Variants in EMC3 observed in about 807,000 individuals in gnomAD.
EMC3 encodes 30 kDa protein.
A neutral mutation model predicts 36.6 loss-of-function variants in EMC3; 13 were observed. The ratio of observed to expected loss-of-function variants is 0.35; its 90% CI spans 0.23 to 0.56. The LOEUF (loss-of-function observed/expected upper bound fraction) is 0.56. Among genes scored for constraint, EMC3 ranks in the 20% least tolerant of loss-of-function variants. The pLI is 0.84. For synonymous variants in EMC3, 120 were observed against 111.9 expected, an observed-to-expected ratio of 1.07 and a Z score of -0.46; for missense variants, 220 against 324.5, an observed-to-expected ratio of 0.68 and a Z score of 2.47.
At chr3:9,981,078 G>A (rs776347339) in intron 1 of EMC3, among the ~76,000 whole-genome samples, 1 of 152,128 alleles carries the variant, frequency 6.6e-6, no homozygotes, top group Non-Finnish European at 1.5e-5. Flanking sequence ...AGTGGCGTGT[G>A]CCTGTAGTCC....
At chr3:9,998,553 T>G (rs1390938546) in intron 1 of EMC3, among the ~76,000 whole-genome samples, 1 of 151,790 alleles carries the variant, frequency 6.6e-6, no homozygotes, top group African/African-American at 2.4e-5. Flanking sequence ...CCTCAGCCTC[T>G]TGAGTACCTG....
chr3:9,974,111 C>T (rs143838601), intron 4 of EMC3, among the ~76,000 whole-genome samples: 121 of 152,262 alleles, frequency 7.9e-4, no homozygotes, highest in African/African-American at 2.8e-3. Flanking sequence ...AATAGAAATA[C>T]GCTTCCCTTT....
intron 1 of EMC3, among the ~76,000 whole-genome samples, chr3:9,997,422 C>T (rs1559358020): frequency 6.6e-6 from 1 of 152,018 alleles, no homozygotes; most frequent in Non-Finnish European, 1.5e-5. Flanking sequence ...ACTTCATTCC[C>T]TACTACAGCT....
At chr3:9,996,079 G>C (rs753194688) in intron 1 of EMC3, among the ~76,000 whole-genome samples, 2 of 152,172 alleles carry the variant, frequency 1.3e-5, no homozygotes, top group Non-Finnish European at 2.9e-5. Context: ...TCTGAGTGCA[G>C]TGGGGACACA....
chr3:9,974,532 G>A, intron 3 of EMC3, 44 bp from the exon 4 acceptor site: 4 of 1,307,434 alleles, frequency 3.1e-6, no homozygotes, highest in Non-Finnish European at 4.4e-6. Flanking sequence ...TTTTACCTCT[G>A]TTGCCAGGGA....
chr3:9,963,423 T>C lies in EMC3; in HGVS notation c.*646A>G, dbSNP rs2085705097. On this transcript the variant is annotated 3_prime_UTR_variant, in exon 8 of 8. Transcript: ENST00000245046. ...AATCATTAGCTATAATTAACAATGC[T>C]TCCTTCGAAGACTGGGCTTCTGCTA... 6.9e-6 allele frequency: 1 copy of C among 145,344 alleles called. No individual in the cohort carries two copies. The highest frequency in any genetic ancestry group is 2.6e-5 in the African/African-American group (1 of 38,882). 9.0% of individuals were successfully genotyped at this position (145,344 alleles called of 1,614,324 possible). A position where few individuals can be genotyped will look rare whatever the true frequency, so the allele number is the denominator to read the frequency against.
chr3:9,977,543 GC>G, intron 1 of EMC3, 97 bp from the exon 2 acceptor site: 1 of 1,044,316 alleles, frequency 9.6e-7, no homozygotes, highest in Non-Finnish European at 1.4e-6. Flanking sequence ...ACAAGAGAGG[GC>G]CTATTTGGCA....
chr3:9,983,424 AAGCATGT>A (rs969610232), intron 1 of EMC3, among the ~76,000 whole-genome samples: 1 of 152,142 alleles, frequency 6.6e-6, no homozygotes, highest in African/African-American at 2.4e-5. Context: ...CTGGGATTAC[AAGCATGT>A]GCTACTGTGT....
chr3:9,977,510 T>C (rs2085862569), intron 1 of EMC3, 64 bp from the exon 2 acceptor site: 1 of 1,473,556 alleles, frequency 6.8e-7, no homozygotes, highest in South Asian at 1.2e-5. Context: ...AATGGGAGAG[T>C]CAAGTAGAAG....
At chr3:9,991,944 G>A (rs1201040611) in intron 1 of EMC3, among the ~76,000 whole-genome samples, 1 of 152,004 alleles carries the variant, frequency 6.6e-6, no homozygotes, top group Non-Finnish European at 1.5e-5. Context: ...TGGGGTTTGC[G>A]CTCCCGTGAG....
intron 1 of EMC3, among the ~76,000 whole-genome samples, chr3:9,996,709 A>G (rs2086130371): frequency 6.6e-6 from 1 of 152,178 alleles, no homozygotes; most frequent in South Asian, 2.1e-4. Flanking sequence ...CCAGTGAAAA[A>G]TAACTCACTT....
At position 9,963,478 on chromosome 3, in the gene EMC3, T is replaced by TATATATATA. The variant is rs1553602260; in HGVS notation, c.*590_*591insTATATATAT. Reference sequence around the variant, plus strand: ...AGATATATATATATATATATATATATTTTTTTTTTTTTTTCAGATGGAGTT... The same window carrying TATATATATA: ...AGATATATATATATATATATATATATATATATATATTTTTTTTTTTTTTCAGATGGAGTT... On this transcript the variant is annotated 3_prime_UTR_variant, in exon 8 of 8. Transcript: ENST00000245046. 10 of 34,548 alleles carry TATATATATA rather than the reference T, an allele frequency of 2.9e-4. No individual in the cohort carries two copies. Among genetic ancestry groups the TATATATATA allele is most frequent in the Admixed American group, 4.5e-4 (2 of 4,400 alleles). The allele number at this position is 34,548 out of a possible 1,614,324, so 2.1% of individuals were successfully genotyped here.
intron 1 of EMC3, among the ~76,000 whole-genome samples, chr3:10,002,566 A>C (rs2086216492): frequency 6.6e-6 from 1 of 152,168 alleles, no homozygotes; most frequent in South Asian, 2.1e-4. Flanking sequence ...GATGACAGGC[A>C]TGAGCCACCG....
chr3:9,999,536 G>A (rs1345464319), intron 1 of EMC3, among the ~76,000 whole-genome samples: 1 of 152,040 alleles, frequency 6.6e-6, no homozygotes, highest in South Asian at 2.1e-4. Flanking sequence ...ACCACATCTG[G>A]CCTTATTTTT....
intron 1 of EMC3, chr3:10,005,105 C>T (rs1173148392): frequency 6.6e-6 from 1 of 152,216 alleles, no homozygotes; most frequent in African/African-American, 2.4e-5. Flanking sequence ...AAATATCATT[C>T]AGCTCTTCCA....
rs1448350735 is a variant in EMC3 at position 9,963,450 on chromosome 3, G to GATATATATAT, written c.*618_*619insATATATATAT. 112 of 77,590 alleles carry GATATATATAT rather than the reference G, an allele frequency of 1.4e-3. No homozygotes were observed. Among genetic ancestry groups the GATATATATAT allele is most frequent in the Middle Eastern group, 6.0e-3 (1 of 168 alleles). The allele number at this position is 77,590 out of a possible 1,614,324, so 4.8% of individuals were successfully genotyped here. On this transcript the variant is annotated 3_prime_UTR_variant, in exon 8 of 8. Coordinates refer to ENST00000245046, the MANE Select transcript of EMC3 (RefSeq NM_001394674.1). ...CCTTCGAAGACTGGGCTTCTGCTAA[G>GATATATATAT]ATAGATATATATATATATATATATA... is the stretch of plus-strand genomic sequence containing the variant.
intron 1 of EMC3, chr3:10,008,172 C>T (rs916707135): frequency 3.2e-5 from 11 of 340,708 alleles, no homozygotes; most frequent in African/African-American, 2.2e-4. Context: ...GCTGTGCCCC[C>T]TCTGGAAGTG....
At chr3:10,004,407 AATT>A (rs1285092207) in intron 1 of EMC3, 2 of 152,194 alleles carry the variant, frequency 1.3e-5, no homozygotes, top group African/African-American at 2.4e-5. Flanking sequence ...ATCAAAGAAA[AATT>A]ATTCAGTTAT....
At chr3:9,964,252 G>A in intron 7 of EMC3, 55 bp from the exon 8 acceptor site, 1 of 1,600,988 alleles carries the variant, frequency 6.2e-7, no homozygotes, top group Non-Finnish European at 8.5e-7. Context: ...ACTGACAGCT[G>A]TGGCTAACCT....
Sources: allele counts gnomAD v4.1 joint callset (sites outside exome capture counted in the v4.1 genomes callset), GRCh38; gene constraint gnomAD v4.1.1; transcripts MANE v1.5; gene names NCBI Gene and HGNC (gene_info 2026-07-23, HGNC 2026-07-21).